The following ADAMTS19 variants were observed in gnomAD, a reference collection of about 807,000 sequenced individuals.
ADAMTS19 encodes A disintegrin and metalloproteinase with thrombospondin motifs 19.
Under a neutral mutation model 153.3 loss-of-function variants are expected in ADAMTS19, and 93 were observed. The observed-to-expected ratio is 0.61, with a 90% CI of 0.51 to 0.72. The LOEUF is 0.72. Ranked by LOEUF, ADAMTS19 falls within the 30% of genes least tolerant of loss-of-function variation. The pLI is 0.00. For synonymous variants in ADAMTS19, 600 were observed against 556.6 expected (o/e 1.08, Z -1.10); for missense variants, 1,482 against 1,552.1 (o/e 0.95, Z 0.76).
intron 10 of ADAMTS19, among the ~76,000 whole-genome samples, chr5:129,634,024 C>T (rs927257435): frequency 1.3e-5 from 2 of 152,090 alleles, no homozygotes; most frequent in Admixed American, 6.6e-5. Flanking sequence ...TTTCTGTCTT[C>T]GTGAGTCTAT....
chr5:129,503,344 A>G (rs773066796), intron 2 of ADAMTS19, among the ~76,000 whole-genome samples: 5 of 152,210 alleles, frequency 3.3e-5, no homozygotes, highest in Non-Finnish European at 5.9e-5. Context: ...ATTTATATGT[A>G]GATATAGAAT....
intron 21 of ADAMTS19, among the ~76,000 whole-genome samples, chr5:129,708,366 C>T (rs998624649): frequency 1.3e-5 from 2 of 152,076 alleles, no homozygotes; most frequent in African/African-American, 2.4e-5. Context: ...ACATGTTCTT[C>T]GGATCTTTCT....
At position 129,546,396 on chromosome 5, in the gene ADAMTS19, TA is replaced by T. The variant is rs995023565; in HGVS notation, c.1329-5460del. Among the ~76,000 whole-genome samples the T allele has an allele frequency of 1.0e-4, 15 of 149,900 alleles. 1 individual carries two copies. The highest frequency in any genetic ancestry group is 5.8e-4 in the East Asian group (3 of 5,148). The stretch of plus-strand genomic sequence containing the variant: ...AAACTTAAAGTATAATAAAAAAAAT[TA>T]AAAAAAAGAGAAGATAAATAAAAAC... On this transcript the variant is annotated intron_variant, in intron 6 of 22. Coordinates refer to ENST00000274487, the MANE Select transcript of ADAMTS19 (RefSeq NM_133638.6).
intron 7 of ADAMTS19, 49 bp downstream of exon 7, chr5:129,551,956 T>A (rs1206667161): frequency 8.2e-7 from 1 of 1,225,672 alleles, no homozygotes; most frequent in Non-Finnish European, 1.1e-6. Flanking sequence ...AACTTGAACA[T>A]ATCACTTGTT....
chr5:129,528,070 T>C (rs1483328814), intron 5 of ADAMTS19, among the ~76,000 whole-genome samples: 1 of 151,960 alleles, frequency 6.6e-6, no homozygotes. Context: ...AAGTATAATT[T>C]TAAGAAGTCA....
chr5:129,575,225 T>A (rs901117011), intron 7 of ADAMTS19, among the ~76,000 whole-genome samples: 1 of 151,942 alleles, frequency 6.6e-6, no homozygotes, highest in Admixed American at 6.6e-5. Context: ...GAAGTTTGAG[T>A]TGGTTTGTAG....
chr5:129,642,446 T>C (rs1201395060), intron 11 of ADAMTS19, among the ~76,000 whole-genome samples: 1 of 152,172 alleles, frequency 6.6e-6, no homozygotes, highest in African/African-American at 2.4e-5. Flanking sequence ...GTCTGTGTAG[T>C]TTAATGTACT....
At chr5:129,536,046 G>A (rs1752409106) in intron 6 of ADAMTS19, among the ~76,000 whole-genome samples, 1 of 152,116 alleles carries the variant, frequency 6.6e-6, no homozygotes, top group African/African-American at 2.4e-5. Flanking sequence ...GGCAACAAAA[G>A]CCAAAATTGA....
chr5:129,720,607 G>A (rs1050364466), intron 21 of ADAMTS19, among the ~76,000 whole-genome samples: 10 of 152,160 alleles, frequency 6.6e-5, no homozygotes, highest in Admixed American at 6.6e-4. Context: ...TAGCATAATT[G>A]TTGGCTGCTT....
chr5:129,507,034 T>C (rs1022342931), intron 2 of ADAMTS19, among the ~76,000 whole-genome samples: 1 of 152,054 alleles, frequency 6.6e-6, no homozygotes. Flanking sequence ...CTTGGAGTCA[T>C]TAAATTTTAT....
intron 21 of ADAMTS19, among the ~76,000 whole-genome samples, chr5:129,727,490 A>T (rs1757254199): frequency 6.6e-6 from 1 of 152,226 alleles, no homozygotes; most frequent in African/African-American, 2.4e-5. Context: ...ACATGGCAGT[A>T]TGTGGAAAAG....
intron 2 of ADAMTS19, among the ~76,000 whole-genome samples, chr5:129,470,508 G>C (rs1487563440): frequency 6.6e-6 from 1 of 152,284 alleles, no homozygotes; most frequent in Non-Finnish European, 1.5e-5. Flanking sequence ...TGCATTTAGG[G>C]TGCAGCTATA....
intron 6 of ADAMTS19, among the ~76,000 whole-genome samples, chr5:129,529,802 A>T (rs1199210496): frequency 1.3e-5 from 2 of 152,148 alleles, no homozygotes; most frequent in Non-Finnish European, 2.9e-5. Flanking sequence ...GTCTGAAGAT[A>T]AACAGATAGA....
At chr5:129,474,419 T>C (rs1293130424) in intron 2 of ADAMTS19, among the ~76,000 whole-genome samples, 2 of 152,156 alleles carry the variant, frequency 1.3e-5, no homozygotes, top group African/African-American at 4.8e-5. Flanking sequence ...GGTAGATACC[T>C]AGGACTGCAA....
rs151311127 is a variant in ADAMTS19, at chr5:129,604,650, C to T, written c.1478+7986C>T. On this transcript the variant is annotated intron_variant, in intron 8 of 22. Coordinates refer to ENST00000274487, the MANE Select transcript of ADAMTS19 (RefSeq NM_133638.6). ...TAAGTGAATGACTGAACATAGTAAT[C>T]TTAGTAAAGTATCATTATGCATAGA... Among the ~76,000 whole-genome samples the T allele has an allele frequency of 4.8e-3, 727 of 152,216 alleles. 6 individuals are homozygous for T. The highest frequency in any genetic ancestry group is 0.016 in the African/African-American group (677 of 41,516).
At chr5:129,702,522 A>G (rs1018569383) in intron 20 of ADAMTS19, among the ~76,000 whole-genome samples, 9 of 152,158 alleles carry the variant, frequency 5.9e-5, no homozygotes, top group African/African-American at 1.9e-4. Context: ...CAGTTTCTAA[A>G]TGTCTGTCAA....
chr5:129,613,183 G>C (rs954756449), intron 8 of ADAMTS19, among the ~76,000 whole-genome samples: 1 of 152,034 alleles, frequency 6.6e-6, no homozygotes, highest in Non-Finnish European at 1.5e-5. Flanking sequence ...TGCACAAGTG[G>C]ACCTAATAGA....
intron 7 of ADAMTS19, among the ~76,000 whole-genome samples, chr5:129,563,988 C>T (rs1348597496): frequency 2.6e-5 from 4 of 151,942 alleles, no homozygotes; most frequent in African/African-American, 4.8e-5. Flanking sequence ...GGCGCAATCT[C>T]GGCTCACTGG....
chr5:129,550,048 ATCTGTATATGTATG>A (rs1753032000), intron 6 of ADAMTS19, among the ~76,000 whole-genome samples: 1 of 66,886 alleles, frequency 1.5e-5, no homozygotes, highest in African/African-American at 5.1e-5. Context: ...ATATACATGT[ATCTGTATATGTATG>A]TATCTAGATA....
Sources: allele counts gnomAD v4.1 joint callset (sites outside exome capture counted in the v4.1 genomes callset), GRCh38; gene constraint gnomAD v4.1.1; transcripts MANE v1.5; gene names NCBI Gene and HGNC (gene_info 2026-07-23, HGNC 2026-07-21).